BPIFA1: variants seen among roughly 807,000 people sequenced by gnomAD.
BPIFA1 encodes BPI fold containing family A member 1, also known as BPI fold-containing family A member 1.
Under a neutral mutation model 25.1 loss-of-function variants are expected in BPIFA1, and 24 were observed. That is an observed-to-expected ratio of 0.96 (90% CI 0.69 to 1.35). BPIFA1 has a LOEUF of 1.35. Among genes scored for constraint, BPIFA1 ranks in the 40% most tolerant of loss-of-function variants. The pLI is 0.00. For synonymous variants in BPIFA1, 139 were observed against 131.8 expected (o/e 1.05, Z -0.37); for missense variants, 344 against 303.7 (o/e 1.13, Z -0.99).
Position 33,238,120 on chromosome 20 carries a change from A to G in BPIFA1, c.226A>G (p.Ile76Val), listed in dbSNP as rs145787306. The G allele has an allele frequency of 5.6e-5, 90 of 1,613,970 alleles. No homozygotes were observed. The African/African-American group carries it at 1.0e-3, about 18-fold the overall frequency. ...TCTGGAAAACCTTCCGCTCCTGGAC[A>G]TCCTGAAGCCTGGAGGAGGTACTTC... ...GILENLPLLD[I>V]LKPGGGTSGG... is the part of the protein sequence containing the mutation. The change falls in exon 3 of 9, where the codon ATC (isoleucine) becomes GTC (valine). Residue 76 changes from isoleucine to valine, a missense_variant. By Grantham distance (29) the Ile-to-Val change is conservative (BLOSUM62 3). Coordinates refer to ENST00000354297, the MANE Select transcript of BPIFA1 (RefSeq NM_130852.3).
At position 33,242,174 on chromosome 20, in the gene BPIFA1, C is replaced by G. The variant is rs1332005125; in HGVS notation, c.730+55C>G. On this transcript the variant is annotated intron_variant, in intron 7 of 8. Coordinates refer to ENST00000354297, the MANE Select transcript of BPIFA1 (RefSeq NM_130852.3). ...CTCTCTGCAGGAGCAGCAACTTCCC[C>G]CAAGGAGTTTTTTCCCTGCACACCC... 1.1e-5 allele frequency: 17 copies of G among 1,577,842 alleles called. No individual in the cohort carries two copies. The East Asian group carries it at 3.4e-4, about 31-fold the overall frequency.
chr20:33,236,193 G>A (rs1978670148), intron 1 of BPIFA1, 143 bp downstream of exon 1: 1 of 152,196 alleles, frequency 6.6e-6, no homozygotes. Flanking sequence ...CAGGGATGTG[G>A]GGATGGCCAT....
At chr20:33,237,994 G>C (rs1403817391) in intron 2 of BPIFA1, 61 bp from the exon 3 acceptor site, 1 of 1,563,266 alleles carries the variant, frequency 6.4e-7, no homozygotes, top group Non-Finnish European at 8.7e-7. Context: ...GATGGGGGAG[G>C]GGGCCTGAGG....
At chr20:33,236,930 A>G (rs1978707037) in intron 1 of BPIFA1, among the ~76,000 whole-genome samples, 1 of 152,138 alleles carries the variant, frequency 6.6e-6, no homozygotes, top group East Asian at 1.9e-4. Context: ...GGCTGTGGCC[A>G]TGCGACCCCT....
intron 6 of BPIFA1, 101 bp downstream of exon 6, chr20:33,241,570 A>G: frequency 1.0e-6 from 1 of 956,836 alleles, no homozygotes; most frequent in Non-Finnish European, 1.7e-6. Context: ...TCAATTTGAT[A>G]AGTAACTTCC....
Position 33,240,375 on chromosome 20 carries a change from C to G in BPIFA1, c.571C>G (p.Leu191Val). 1 of 1,614,070 alleles carries G rather than the reference C, an allele frequency of 6.2e-7. No homozygotes were observed. The highest frequency in any genetic ancestry group is 8.5e-7 in the Non-Finnish European group (1 of 1,180,008). Reference sequence around the variant, plus strand: ...TTCCCCTGGAAGCCTGCAAATTTCTCTGCTTGATGGGTGAGGCCAGAGGAG... The same window carrying G: ...TTCCCCTGGAAGCCTGCAAATTTCTGTGCTTGATGGGTGAGGCCAGAGGAG... ...THSPGSLQISLLDGLGPLPIQ... is the reference protein window; with the variant it reads ...THSPGSLQISVLDGLGPLPIQ... Residue 191 changes from leucine (L) to valine (V), a missense_variant, in exon 5 of 9, where the codon CTG (leucine) becomes GTG (valine). By Grantham distance (32) the Leu-to-Val change is conservative. Coordinates refer to ENST00000354297, the MANE Select transcript of BPIFA1 (RefSeq NM_130852.3).
rs964447675 is a variant in BPIFA1, at chr20:33,238,316, G to A, written c.320+102G>A. The A allele has an allele frequency of 2.9e-5, 40 of 1,362,020 alleles. No homozygotes were observed. The African/African-American group carries it at 4.2e-4, about 14-fold the overall frequency. The allele number at this position is 1,362,020 out of a possible 1,614,324, so 84.4% of individuals were successfully genotyped here. ...CCTGAAGCAGCGACCCTGAAGCAGC[G>A]AGGGAGCGGCCTGAAGATGGAGCCA... On this transcript the variant is annotated intron_variant, in intron 3 of 8. Coordinates refer to ENST00000354297, the MANE Select transcript of BPIFA1 (RefSeq NM_130852.3).
chr20:33,237,904 GT>G, intron 2 of BPIFA1, 33 bp downstream of exon 2: 1 of 126,720 alleles, frequency 7.9e-6, no homozygotes, highest in South Asian at 2.7e-4. Context: ...GTGCATGTGT[GT>G]GTGTGTGTGT....
chr20:33,240,244 G>A lies in BPIFA1; in HGVS notation c.440G>A (p.Gly147Asp). The A allele has an allele frequency of 1.2e-6, 2 of 1,614,074 alleles. No homozygotes were observed. The highest frequency in any genetic ancestry group is 1.7e-6 in the Non-Finnish European group (2 of 1,180,004). ...IKLQVNTPLV[G>D]ASLLRLAVKL... ...TGTCTCCTTTGCAGGCCCCTGGTCG[G>A]TGCAAGTCTGTTGAGGCTGGCTGTG... The change falls in exon 5 of 9, where the codon GGT (glycine) becomes GAT (aspartate). Residue 147 changes from glycine to aspartate, a missense_variant. Coordinates refer to ENST00000354297, the MANE Select transcript of BPIFA1 (RefSeq NM_130852.3).
At chr20:33,240,617 TG>T (rs1978919941) in intron 5 of BPIFA1, among the ~76,000 whole-genome samples, 2 of 141,714 alleles carry the variant, frequency 1.4e-5, no homozygotes, top group Non-Finnish European at 3.0e-5. Context: ...GAGAGAAGGA[TG>T]AATAGATAGA....
rs200105265 is a variant in BPIFA1, at chr20:33,240,386, G to C, written c.581+1G>C. On this transcript the variant is annotated splice_donor_variant, in intron 5 of 8. Transcript: ENST00000354297. LOFTEE classifies it high-confidence loss of function. ...GCCTGCAAATTTCTCTGCTTGATGG[G>C]TGAGGCCAGAGGAGCAGCTTATCCT... 2.7e-5 allele frequency: 44 copies of C among 1,613,898 alleles called. No homozygotes were observed. The highest frequency in any genetic ancestry group is 1.7e-6 in the Non-Finnish European group (2 of 1,179,988).
At chr20:33,236,238 T>C (rs557166691) in intron 1 of BPIFA1, among the ~76,000 whole-genome samples, 188 bp downstream of exon 1, 38 of 152,346 alleles carry the variant, frequency 2.5e-4, no homozygotes, top group African/African-American at 8.4e-4. Flanking sequence ...GTAACATTGA[T>C]ATAGAAATGG....
At chr20:33,242,345 C>T (rs1979020794) in intron 7 of BPIFA1, 142 bp from the exon 8 acceptor site, 6 of 1,103,612 alleles carry the variant, frequency 5.4e-6, no homozygotes, top group Non-Finnish European at 7.9e-6. Flanking sequence ...TAGAAGGAGG[C>T]CTGGCTTCCT....
chr20:33,240,300 G>A lies in BPIFA1; in HGVS notation c.496G>A (p.Val166Met), dbSNP rs1568631431. ...KLDITAEILA[V>M]RDKQERIHLV... ...GGACATCACTGCAGAAATCTTAGCTGTGAGAGATAAGCAGGAGAGGATCCA... is the reference window on the plus strand; with the variant it reads ...GGACATCACTGCAGAAATCTTAGCTATGAGAGATAAGCAGGAGAGGATCCA... Residue 166 changes from valine to methionine, a missense_variant, in exon 5 of 9, where the codon GTG becomes ATG. Coordinates refer to ENST00000354297, the MANE Select transcript of BPIFA1 (RefSeq NM_130852.3). 9.9e-6 allele frequency: 16 copies of A among 1,614,054 alleles called. No homozygotes were observed. In the Middle Eastern group the frequency reaches 6.6e-4, roughly 66 times the overall value.
At chr20:33,238,025 AC>A (rs749582671) in intron 2 of BPIFA1, 29 bp from the exon 3 acceptor site, 1 of 1,595,628 alleles carries the variant, frequency 6.3e-7, no homozygotes, top group Non-Finnish European at 8.5e-7. Flanking sequence ...GTCAGATCTG[AC>A]CCCCAGAGAC....
At chr20:33,241,503 A>G in intron 6 of BPIFA1, 34 bp downstream of exon 6, 12 of 1,566,962 alleles carry the variant, frequency 7.7e-6, no homozygotes, top group Non-Finnish European at 9.7e-6. Flanking sequence ...CCTGATCCTC[A>G]GGTTTTAGAG....
At chr20:33,236,938 C>T (rs1282185188) in intron 1 of BPIFA1, among the ~76,000 whole-genome samples, 1 of 152,098 alleles carries the variant, frequency 6.6e-6, no homozygotes, top group East Asian at 1.9e-4. Flanking sequence ...CCATGCGACC[C>T]CTGTATTGTG....
At chr20:33,239,684 C>A in intron 3 of BPIFA1, 119 bp from the exon 4 acceptor site, 1 of 967,370 alleles carries the variant, frequency 1.0e-6, no homozygotes, top group Non-Finnish European at 1.6e-6. Context: ...CCCCTCCCAT[C>A]TCCCTATCCT....
chr20:33,240,221 T>C lies in BPIFA1; in HGVS notation c.429-12T>C, dbSNP rs1296079895. 8 of 1,612,988 alleles carry C rather than the reference T, an allele frequency of 5.0e-6. No homozygotes were observed. The Admixed American group carries it at 1.2e-4, about 24-fold the overall frequency. ...GTGGAGCTAGATACCAGTGGGGCTG[T>C]CTCCTTTGCAGGCCCCTGGTCGGTG... On this transcript the variant is annotated splice_polypyrimidine_tract_variant and intron_variant, in intron 4 of 8. Coordinates refer to ENST00000354297, the MANE Select transcript of BPIFA1 (RefSeq NM_130852.3).
Sources: gnomAD v4.1 joint callset for allele counts (sites outside exome capture counted in the v4.1 genomes callset) on GRCh38, gnomAD v4.1.1 for gene constraint, MANE v1.5 for transcripts, NCBI Gene and HGNC (gene_info 2026-07-23, HGNC 2026-07-21) for gene names.